The following SPACA7 variants were observed in gnomAD, a reference collection of about 807,000 sequenced individuals.
The protein encoded by SPACA7 is sperm acrosome associated 7.
A neutral mutation model predicts 26.3 loss-of-function variants in SPACA7; 19 were observed. The observed-to-expected ratio is 0.72, with a 90% CI of 0.50 to 1.06. The LOEUF (loss-of-function observed/expected upper bound fraction) is 1.06, where lower values mean the gene tolerates loss of function less well. Ranked by LOEUF, SPACA7 falls within the 50% of genes least tolerant of loss-of-function variation. SPACA7 has a pLI of 0.00. For missense variants in SPACA7, 211 were observed against 229.9 expected (o/e 0.92, Z 0.53); for synonymous variants, 84 against 84.5 (o/e 0.99, Z 0.04).
At chr13:112,385,535 C>G (rs1419110154) in intron 1 of SPACA7, among the ~76,000 whole-genome samples, 1 of 152,182 alleles carries the variant, frequency 6.6e-6, no homozygotes, top group African/African-American at 2.4e-5. Flanking sequence ...CGGCATGCCT[C>G]TCCACATGTC....
intron 5 of SPACA7, among the ~76,000 whole-genome samples, chr13:112,410,334 G>A (rs1196896303): frequency 6.6e-6 from 1 of 151,914 alleles, no homozygotes; most frequent in Admixed American, 6.6e-5. Flanking sequence ...CCTGCATATT[G>A]TGCACATGTA....
chr13:112,408,475 G>A (rs112675811), intron 5 of SPACA7, among the ~76,000 whole-genome samples: 2,091 of 152,018 alleles, frequency 0.014, 46 homozygotes, highest in African/African-American at 0.048. Flanking sequence ...AAACCCTATC[G>A]TCTCAGCCCA....
intron 5 of SPACA7, among the ~76,000 whole-genome samples, chr13:112,422,073 C>T (rs1876039933): frequency 7.9e-6 from 1 of 126,486 alleles, no homozygotes. Context: ...CACTTTAAAA[C>T]TTGGAGAAAA....
chr13:112,400,460 T>C (rs1244658266), intron 4 of SPACA7, among the ~76,000 whole-genome samples: 1 of 152,178 alleles, frequency 6.6e-6, no homozygotes, highest in African/African-American at 2.4e-5. Context: ...TCCTCCCCTG[T>C]TTATGTATTC....
At chr13:112,380,226 C>A (rs1050445650) in intron 1 of SPACA7, among the ~76,000 whole-genome samples, 2 of 151,908 alleles carry the variant, frequency 1.3e-5, no homozygotes, top group Non-Finnish European at 2.9e-5. Flanking sequence ...ATCAGTCTGA[C>A]CAACATGGTG....
chr13:112,401,343 G>A (rs1029351196), intron 5 of SPACA7, among the ~76,000 whole-genome samples, 179 bp downstream of exon 5: 3 of 152,170 alleles, frequency 2.0e-5, no homozygotes, highest in Non-Finnish European at 4.4e-5. Context: ...CTCATTATGA[G>A]TGAGTTTAAA....
chr13:112,427,151 G>T (rs1266421582), intron 5 of SPACA7, among the ~76,000 whole-genome samples: 2 of 152,154 alleles, frequency 1.3e-5, no homozygotes, highest in African/African-American at 4.8e-5. Flanking sequence ...AATATTTTTT[G>T]TACAAAGTCA....
intron 5 of SPACA7, among the ~76,000 whole-genome samples, chr13:112,423,686 C>G (rs923153722): frequency 1.3e-5 from 2 of 152,176 alleles, no homozygotes; most frequent in Non-Finnish European, 2.9e-5. Context: ...CAGTGAAGAA[C>G]ATAATCCTCA....
chr13:112,415,923 G>T (rs553687093), intron 5 of SPACA7, among the ~76,000 whole-genome samples: 2 of 152,184 alleles, frequency 1.3e-5, no homozygotes, highest in African/African-American at 4.8e-5. Context: ...AAGGACCACG[G>T]AATTCTGCCA....
chr13:112,382,261 T>A (rs1884121710), intron 1 of SPACA7: 3 of 580,354 alleles, frequency 5.2e-6, no homozygotes, highest in South Asian at 5.5e-5. Context: ...TGTTTTGTTT[T>A]GTTTTGTTTT....
At chr13:112,432,613 G>A (rs1335374627) in intron 6 of SPACA7, 92 bp downstream of exon 6, 4 of 986,004 alleles carry the variant, frequency 4.1e-6, no homozygotes, top group Admixed American at 3.9e-5. Context: ...TCCAGGGAGA[G>A]CAGGTGAGCC....
chr13:112,429,724 T>C (rs1876883268), intron 5 of SPACA7, among the ~76,000 whole-genome samples: 1 of 152,240 alleles, frequency 6.6e-6, no homozygotes. Flanking sequence ...TTGTAGATGA[T>C]ATTTTATTGC....
At chr13:112,429,079 C>T (rs1355968928) in intron 5 of SPACA7, among the ~76,000 whole-genome samples, 2 of 152,144 alleles carry the variant, frequency 1.3e-5, no homozygotes, top group East Asian at 1.9e-4. Context: ...GGTGAGTTAT[C>T]CCTGCAACAA....
At chr13:112,400,226 C>T (rs1885548261) in intron 4 of SPACA7, among the ~76,000 whole-genome samples, 1 of 152,158 alleles carries the variant, frequency 6.6e-6, no homozygotes, top group Non-Finnish European at 1.5e-5. Context: ...CAATCCATTA[C>T]CCCAAAGAGT....
Position 112,398,016 on chromosome 13 carries a change from G to A in SPACA7, c.152-33G>A, listed in dbSNP as rs747346544. ...AGCCAAGGGCCAGCCCTGCAGGGCCGACTCTAACGTGATCTTGTGTGCTTC... is the reference window on the plus strand; with the variant it reads ...AGCCAAGGGCCAGCCCTGCAGGGCCAACTCTAACGTGATCTTGTGTGCTTC... On this transcript the variant is annotated intron_variant, in intron 2 of 6. Coordinates refer to ENST00000283550, the MANE Select transcript of SPACA7 (RefSeq NM_145248.5). 7.3e-5 allele frequency: 110 copies of A among 1,516,644 alleles called. 1 individual carries two copies. The highest frequency in any genetic ancestry group is 1.7e-4 in the Middle Eastern group (1 of 5,924). The allele number at this position is 1,516,644 out of a possible 1,614,324, so 93.9% of individuals were successfully genotyped here. A position where few individuals can be genotyped will look rare whatever the true frequency, so the allele number is the denominator to read the frequency against.
intron 5 of SPACA7, among the ~76,000 whole-genome samples, chr13:112,425,414 AT>A (rs1173651336): frequency 2.6e-5 from 4 of 152,220 alleles, no homozygotes; most frequent in Admixed American, 6.5e-5. Flanking sequence ...AGGAAATGGG[AT>A]GGCTTCCCCT....
chr13:112,433,144 G>A (rs1270274096), intron 6 of SPACA7, among the ~76,000 whole-genome samples: 1 of 150,846 alleles, frequency 6.6e-6, no homozygotes, highest in Admixed American at 6.6e-5. Flanking sequence ...GCAGCCCAGT[G>A]TGCCCAGCCC....
chr13:112,401,244 C>G, intron 5 of SPACA7, 80 bp downstream of exon 5: 1 of 1,101,238 alleles, frequency 9.1e-7, no homozygotes, highest in Non-Finnish European at 1.4e-6. Context: ...CTCCCTCCAG[C>G]CTCGCCAGTA....
intron 5 of SPACA7, among the ~76,000 whole-genome samples, chr13:112,411,577 C>T (rs1324069274): frequency 6.6e-6 from 1 of 152,112 alleles, no homozygotes; most frequent in Non-Finnish European, 1.5e-5. Flanking sequence ...ATTAACCAAT[C>T]TCTCTCTATT....
Sources: gnomAD v4.1 joint callset for allele counts (sites outside exome capture counted in the v4.1 genomes callset) on GRCh38, gnomAD v4.1.1 for gene constraint, MANE v1.5 for transcripts, NCBI Gene and HGNC (gene_info 2026-07-23, HGNC 2026-07-21) for gene names.